Variants in ZFHX3 observed in about 807,000 individuals in gnomAD.
ZFHX3 encodes the protein zinc finger homeobox 3.
Under a neutral mutation model 279.1 loss-of-function variants are expected in ZFHX3, and 42 were observed. The observed-to-expected ratio is 0.15, with a 90% confidence interval of 0.12 to 0.19. The LOEUF is 0.19. Among genes scored for constraint, ZFHX3 ranks in the 10% least tolerant of loss-of-function variants. ZFHX3 has a pLI of 1.00. For synonymous variants in ZFHX3, 2,293 were observed against 1,957.8 expected (o/e 1.17, Z -4.52); for missense variants, 4,981 against 4,754.0 (o/e 1.05, Z -1.40).
At chr16:73,105,436 C>CACACACATATATATATAT (rs1567389916) in intron 7 of ZFHX3, among the ~76,000 whole-genome samples, 8 of 83,944 alleles carry the variant, frequency 9.5e-5, no homozygotes, top group African/African-American at 4.5e-4. Flanking sequence ...TATATATACA[C>CACACACATATATATATAT]ACACACACAT....
upstream of ZFHX3, among the ~76,000 whole-genome samples, chr16:73,062,559 G>A (rs888425007): frequency 6.6e-6 from 1 of 152,166 alleles, no homozygotes. Flanking sequence ...CAGAATATGG[G>A]GTTGCAATGT....
chr16:73,886,821 G>T (rs1429097324), intron 1 of ZFHX3, among the ~76,000 whole-genome samples: 2 of 152,202 alleles, frequency 1.3e-5, no homozygotes, highest in Admixed American at 1.3e-4. Context: ...CACTGTGAAA[G>T]AAATCAACAC....
chr16:72,787,465 G>T lies in ZFHX3; in HGVS notation c.10811C>A (p.Ala3604Asp). The change falls in exon 10 of 10, where the codon GCC (alanine) becomes GAC (aspartate). Residue 3604 changes from alanine (A) to aspartate (D), a missense_variant. By Grantham distance (126) the Ala-to-Asp change is moderately radical. Coordinates refer to ENST00000268489, the MANE Select transcript of ZFHX3 (RefSeq NM_006885.4). ...GGCGTGGGGGGAAGCGGAGGAGGGG[G>T]CGGCGGCCGACGGGGGAGGGGGGCT... ...NDSPPPPSAA[A>D]PSSASPHASR... 2 of 1,605,114 alleles carry T rather than the reference G, an allele frequency of 1.2e-6. No homozygotes were observed. Among genetic ancestry groups the T allele is most frequent in the South Asian group, 2.2e-5 (2 of 90,172 alleles).
intron 1 of ZFHX3, among the ~76,000 whole-genome samples, chr16:72,967,600 T>C (rs568951952): frequency 2.0e-5 from 3 of 152,148 alleles, no homozygotes; most frequent in South Asian, 2.1e-4. Flanking sequence ...GAAGAATCAA[T>C]GGGTACCCAA....
chr16:73,072,745 T>G (rs1205656043), intron 8 of ZFHX3, among the ~76,000 whole-genome samples: 15 of 152,176 alleles, frequency 9.9e-5, no homozygotes, highest in Admixed American at 9.8e-4. Context: ...GTTTTACAAA[T>G]TTTTTGTAGA....
intron 2 of ZFHX3, among the ~76,000 whole-genome samples, chr16:73,557,117 A>AAAG (rs2020299067): frequency 6.9e-6 from 1 of 143,900 alleles, no homozygotes; most frequent in African/African-American, 2.9e-5. Context: ...AAAAAAAAAA[A>AAAG]AAAGGCCTCA....
At chr16:73,354,715 C>T (rs2016307054) in intron 3 of ZFHX3, among the ~76,000 whole-genome samples, 1 of 152,214 alleles carries the variant, frequency 6.6e-6, no homozygotes, top group Non-Finnish European at 1.5e-5. Flanking sequence ...CACCCTTCTT[C>T]CTGCCTGTCC....
chr16:73,224,022 GA>G (rs2012510839), intron 5 of ZFHX3, among the ~76,000 whole-genome samples: 1 of 152,206 alleles, frequency 6.6e-6, no homozygotes, highest in Non-Finnish European at 1.5e-5. Context: ...ATAGGCTAGG[GA>G]GGAGGGAGGG....
rs542966780 is a variant in ZFHX3 at position 72,797,539 on chromosome 16, G to A, written c.5143C>T (p.Leu1715=). ...SEPKEANRKK[L]ADMIASRQQQ... ...TGCCTGGATGCAATCATATCTGCCAGTTTCTTCCGATTGGCCTCTTTGGGC... is the reference window on the plus strand; with the variant it reads ...TGCCTGGATGCAATCATATCTGCCAATTTCTTCCGATTGGCCTCTTTGGGC... Residue 1715 remains leucine (L), a synonymous_variant, in exon 9 of 10, where the codon CTG becomes TTG. Transcript: ENST00000268489. The A allele has an allele frequency of 1.9e-6, 3 of 1,614,092 alleles. No individual in the cohort carries two copies. In the Admixed American group the frequency reaches 5.0e-5, roughly 27 times the overall value.
At chr16:72,911,160 T>G (rs1181149543) in intron 3 of ZFHX3, among the ~76,000 whole-genome samples, 1 of 152,224 alleles carries the variant, frequency 6.6e-6, no homozygotes, top group Non-Finnish European at 1.5e-5. Context: ...TTCACCAGAC[T>G]TGGGCAGTAA....
chr16:72,981,959 T>G (rs933309928), intron 1 of ZFHX3, among the ~76,000 whole-genome samples: 1 of 149,088 alleles, frequency 6.7e-6, no homozygotes, highest in African/African-American at 2.5e-5. Flanking sequence ...CTCGGCTCAC[T>G]GCAACCTCCA....
intron 3 of ZFHX3, among the ~76,000 whole-genome samples, chr16:73,346,671 C>G (rs1293463826): frequency 6.6e-6 from 1 of 152,120 alleles, no homozygotes; most frequent in Non-Finnish European, 1.5e-5. Flanking sequence ...GGGGTTTCAT[C>G]ATGTTGGCCA....
At chr16:73,105,282 GAC>G (rs1193463610) in intron 7 of ZFHX3, among the ~76,000 whole-genome samples, 11 of 141,630 alleles carry the variant, frequency 7.8e-5, no homozygotes, top group African/African-American at 2.9e-4. Flanking sequence ...TACACACACA[GAC>G]ACACACATAC....
rs1966165454 is a variant in ZFHX3, at chr16:73,096,487, C to G, written c.-896-2889G>C. On this transcript the variant is annotated intron_variant, in intron 7 of 17. Coordinates refer to the ZFHX3 transcript ENST00000641206. ...ATGCGATCTCAGCTCATTGTAACCT[C>G]CACCTCCTGGGTTCAAGCGATTCTT... Among the ~76,000 whole-genome samples, 3 of 151,822 alleles carry G rather than the reference C, an allele frequency of 2.0e-5. No individual in the cohort carries two copies. The South Asian group carries it at 6.3e-4, about 32-fold the overall frequency.
chr16:73,546,018 C>T (rs192708989), intron 2 of ZFHX3, among the ~76,000 whole-genome samples: 21 of 152,208 alleles, frequency 1.4e-4, no homozygotes, highest in Admixed American at 1.2e-3. Flanking sequence ...AAAGCATCAG[C>T]GGGAAATGGC....
At chr16:73,121,486 C>A (rs1436144492) in intron 7 of ZFHX3, among the ~76,000 whole-genome samples, 1 of 152,156 alleles carries the variant, frequency 6.6e-6, no homozygotes, top group Non-Finnish European at 1.5e-5. Flanking sequence ...TTGGCCTAGA[C>A]CATTTCAGAC....
intron 5 of ZFHX3, among the ~76,000 whole-genome samples, chr16:73,215,377 C>T (rs1432409083): frequency 6.6e-6 from 1 of 152,204 alleles, no homozygotes; most frequent in Non-Finnish European, 1.5e-5. Flanking sequence ...AAGAAAGGCT[C>T]ACCCATACCA....
Position 72,950,592 on chromosome 16 carries a change from A to G in ZFHX3, c.3093T>C (p.Cys1031=), listed in dbSNP as rs139602398. The change falls in exon 3 of 10, where the codon TGT becomes TGC. Residue 1031 remains cysteine (C), a synonymous_variant. Transcript: ENST00000268489. ...GGKANEWRLK[C]VAIGNPVHLK... ...GGTGCACGGGGTTGCCGATGGCCAC[A>G]CACTTGAGCCTCCACTCGTTGGCCT... is the stretch of plus-strand genomic sequence containing the variant. The G allele has an allele frequency of 2.7e-5, 43 of 1,614,026 alleles. No individual in the cohort carries two copies. Among genetic ancestry groups the G allele is most frequent in the Non-Finnish European group, 3.6e-5 (42 of 1,180,054 alleles).
chr16:72,981,483 A>G (rs568624001), intron 1 of ZFHX3, among the ~76,000 whole-genome samples: 59 of 152,216 alleles, frequency 3.9e-4, no homozygotes, highest in Non-Finnish European at 7.2e-4. Flanking sequence ...ACTTTCAGTG[A>G]GTTTAAAAAA....
Sources: gnomAD v4.1 joint callset for allele counts (sites outside exome capture counted in the v4.1 genomes callset) on GRCh38, gnomAD v4.1.1 for gene constraint, MANE v1.5 for transcripts, NCBI Gene and HGNC (gene_info 2026-07-23, HGNC 2026-07-21) for gene names.